CADM2: variants seen among roughly 807,000 people sequenced by gnomAD.
CADM2 encodes immunoglobulin superfamily member 4D.
Under a neutral mutation model 49.8 loss-of-function variants are expected in CADM2, and 12 were observed. The observed-to-expected ratio is 0.24, with a 90% CI of 0.15 to 0.39. The LOEUF (loss-of-function observed/expected upper bound fraction) is 0.39, where lower values mean the gene tolerates loss of function less well. CADM2 is among the 10% of genes least tolerant of loss of function. The pLI is 1.00. For synonymous variants in CADM2, 214 were observed against 175.4 expected (o/e 1.22, Z -1.74); for missense variants, 378 against 492.3 (o/e 0.77, Z 2.20).
At chr3:85,979,907 A>G (rs1019431198) in intron 8 of CADM2, among the ~76,000 whole-genome samples, 1 of 151,638 alleles carries the variant, frequency 6.6e-6, no homozygotes, top group African/African-American at 2.4e-5. Context: ...TGATATCATT[A>G]TACAAATAAG....
intron 3 of CADM2, among the ~76,000 whole-genome samples, chr3:85,854,292 G>A (rs986013973): frequency 6.6e-6 from 1 of 152,066 alleles, no homozygotes; most frequent in Admixed American, 6.6e-5. Context: ...TATACCCAAA[G>A]GATTATATTT....
intron 1 of CADM2, among the ~76,000 whole-genome samples, chr3:85,196,546 A>G (rs192495563): frequency 2.8e-4 from 42 of 152,118 alleles, no homozygotes; most frequent in African/African-American, 8.7e-4. Context: ...GAAAAGTTAT[A>G]AAGAGGTTTA....
At chr3:85,713,305 G>A (rs1428672027) in intron 1 of CADM2, among the ~76,000 whole-genome samples, 1 of 151,992 alleles carries the variant, frequency 6.6e-6, no homozygotes, top group African/African-American at 2.4e-5. Context: ...GCTGGCACGT[G>A]GGACTAACTT....
chr3:85,541,779 A>ATATATATTTTATATTT, intron 1 of CADM2, among the ~76,000 whole-genome samples: 1 of 78,154 alleles, frequency 1.3e-5, no homozygotes, highest in African/African-American at 4.5e-5. Context: ...TATATTTTAT[A>ATATATATTTTATATTT]TATATATATA....
At chr3:85,414,514 CCT>C (rs893921231) in intron 1 of CADM2, among the ~76,000 whole-genome samples, 52 of 151,940 alleles carry the variant, frequency 3.4e-4, no homozygotes, top group African/African-American at 9.2e-4. Flanking sequence ...GGTTTCCTTT[CCT>C]CTCTCTCTCT....
At chr3:85,130,913 T>G (rs909141195) in intron 1 of CADM2, among the ~76,000 whole-genome samples, 1 of 152,252 alleles carries the variant, frequency 6.6e-6, no homozygotes, top group African/African-American at 2.4e-5. Context: ...CTAGGCATGG[T>G]GGCTCAGGCC....
intron 1 of CADM2, among the ~76,000 whole-genome samples, chr3:85,046,951 CTA>C (rs1349118826): frequency 1.3e-5 from 2 of 151,642 alleles, no homozygotes; most frequent in African/African-American, 4.9e-5. Flanking sequence ...TACCAAATTT[CTA>C]AAATAATAAA....
At chr3:85,543,902 G>T (rs1423863041) in intron 1 of CADM2, among the ~76,000 whole-genome samples, 2 of 152,150 alleles carry the variant, frequency 1.3e-5, no homozygotes, top group Non-Finnish European at 2.9e-5. Context: ...TTCAACACTT[G>T]AATTCTGGGA....
intron 1 of CADM2, among the ~76,000 whole-genome samples, chr3:85,185,227 T>G (rs1485576980): frequency 2.0e-5 from 3 of 151,996 alleles, no homozygotes; most frequent in Non-Finnish European, 4.4e-5. Flanking sequence ...GCACTATGAC[T>G]AATGTTCTTG....
intron 1 of CADM2, among the ~76,000 whole-genome samples, chr3:85,417,981 G>C (rs1332680872): frequency 6.6e-6 from 1 of 152,096 alleles, no homozygotes; most frequent in Non-Finnish European, 1.5e-5. Context: ...CTTTAAGTAG[G>C]AAGGTACTGG....
intron 1 of CADM2, among the ~76,000 whole-genome samples, chr3:85,023,165 G>A (rs1015550304): frequency 2.0e-5 from 3 of 152,002 alleles, no homozygotes; most frequent in Non-Finnish European, 4.4e-5. Context: ...CTAAATTTTA[G>A]AAAAAAGACA....
At chr3:85,498,750 C>T (rs1238282149) in intron 1 of CADM2, among the ~76,000 whole-genome samples, 1 of 151,914 alleles carries the variant, frequency 6.6e-6, no homozygotes, top group African/African-American at 2.4e-5. Context: ...ATACCGTGAC[C>T]CGAGGTTCAC....
intron 1 of CADM2, among the ~76,000 whole-genome samples, chr3:85,629,267 T>A (rs2064231280): frequency 6.6e-6 from 1 of 151,908 alleles, no homozygotes; most frequent in African/African-American, 2.4e-5. Flanking sequence ...TAGAAACATT[T>A]CTACTTCAGA....
intron 1 of CADM2, among the ~76,000 whole-genome samples, chr3:85,192,732 T>G (rs2107728229): frequency 6.6e-6 from 1 of 152,048 alleles, no homozygotes; most frequent in African/African-American, 2.4e-5. Context: ...ATCTTGCTAC[T>G]TAAAGTACCA....
At chr3:85,422,467 C>G (rs1189871377) in intron 1 of CADM2, among the ~76,000 whole-genome samples, 1 of 151,984 alleles carries the variant, frequency 6.6e-6, no homozygotes, top group Non-Finnish European at 1.5e-5. Flanking sequence ...TTAGTAGAGA[C>G]GGGGTTTCAC....
At chr3:86,065,069 C>T (rs1323884324) in intron 8 of CADM2, among the ~76,000 whole-genome samples, 1 of 152,134 alleles carries the variant, frequency 6.6e-6, no homozygotes, top group East Asian at 1.9e-4. Context: ...CTTCCTCTTC[C>T]TGAATTTTAA....
At chr3:85,249,951 A>G (rs573481816) in intron 1 of CADM2, among the ~76,000 whole-genome samples, 1 of 152,020 alleles carries the variant, frequency 6.6e-6, no homozygotes, top group East Asian at 1.9e-4. Context: ...AATGAATTCT[A>G]TAATGACCAT....
intron 8 of CADM2, among the ~76,000 whole-genome samples, chr3:86,010,120 AT>A (rs1279049346): frequency 2.0e-5 from 3 of 152,008 alleles, no homozygotes; most frequent in Non-Finnish European, 2.9e-5. Context: ...TGATGACAGT[AT>A]GAATTACAAA....
chr3:86,012,614 C>G (rs1731677902), intron 8 of CADM2: 4 of 1,583,034 alleles, frequency 2.5e-6, no homozygotes, highest in Non-Finnish European at 2.6e-6. Flanking sequence ...GCAGTCCGAC[C>G]TGGCCTTCTT....
Sources: allele counts gnomAD v4.1 joint callset (sites outside exome capture counted in the v4.1 genomes callset), GRCh38; gene constraint gnomAD v4.1.1; transcripts MANE v1.5; gene names NCBI Gene and HGNC (gene_info 2026-07-23, HGNC 2026-07-21).